Variants in EYS observed in about 807,000 individuals in gnomAD.
EYS encodes EGF-like photoreceptor maintenance factor.
Under a neutral mutation model 282.1 loss-of-function variants are expected in EYS, and 250 were observed. The ratio of observed to expected loss-of-function variants is 0.89; its 90% CI spans 0.80 to 0.98. The LOEUF is 0.98. Among genes scored for constraint, EYS ranks in the 50% least tolerant of loss-of-function variants. The pLI is 0.00. For synonymous variants in EYS, 1,355 were observed against 1,282.9 expected, an observed-to-expected ratio of 1.06 and a Z score of -1.20; for missense variants, 4,016 against 3,709.0, an observed-to-expected ratio of 1.08 and a Z score of -2.15.
intron 22 of EYS, among the ~76,000 whole-genome samples, chr6:64,786,798 C>A (rs1264637195): frequency 2.0e-5 from 3 of 152,162 alleles, no homozygotes; most frequent in Admixed American, 6.5e-5. Flanking sequence ...CTTGGCATAG[C>A]AGACTGTGCC....
At chr6:64,255,947 C>T (rs1767386052) in intron 30 of EYS, among the ~76,000 whole-genome samples, 1 of 151,888 alleles carries the variant, frequency 6.6e-6, no homozygotes, top group African/African-American at 2.4e-5. Flanking sequence ...GTTCATTGGT[C>T]TTCCAAATAA....
chr6:63,797,090 G>T (rs1020085383), intron 37 of EYS: 5 of 152,174 alleles, frequency 3.3e-5, no homozygotes, highest in African/African-American at 1.2e-4. Context: ...ATTTCTGAAA[G>T]AAGGAAACGA....
chr6:64,441,299 C>T (rs902294116), intron 26 of EYS, among the ~76,000 whole-genome samples: 2 of 152,156 alleles, frequency 1.3e-5, no homozygotes, highest in Non-Finnish European at 2.9e-5. Context: ...GGTTACACAA[C>T]TCTGAATGAA....
chr6:64,570,595 G>A (rs935782751), intron 26 of EYS, among the ~76,000 whole-genome samples: 8 of 151,878 alleles, frequency 5.3e-5, no homozygotes, highest in South Asian at 2.1e-4. Flanking sequence ...AATATTTACC[G>A]AGCAAATTGA....
intron 2 of EYS, among the ~76,000 whole-genome samples, chr6:65,621,805 A>C (rs1766506859): frequency 6.6e-6 from 1 of 151,776 alleles, no homozygotes. Context: ...TTTATTTTTA[A>C]ATGTTTCCTT....
At chr6:63,864,066 C>A in intron 36 of EYS, 120 bp downstream of exon 36, 1 of 982,792 alleles carries the variant, frequency 1.0e-6, no homozygotes, top group South Asian at 3.0e-5. Context: ...TTGAAAAGAA[C>A]CCAGAAGAAG....
intron 18 of EYS, among the ~76,000 whole-genome samples, chr6:64,895,595 A>G (rs1353315808): frequency 6.6e-6 from 1 of 152,204 alleles, no homozygotes; most frequent in Non-Finnish European, 1.5e-5. Flanking sequence ...TAGCACATGG[A>G]TGAGTAACTG....
At chr6:64,097,796 G>A (rs76918117) in intron 31 of EYS, among the ~76,000 whole-genome samples, 4,069 of 152,252 alleles carry the variant, frequency 0.027, 70 homozygotes, top group Non-Finnish European at 0.04. Flanking sequence ...GCTAATGGAA[G>A]GAGGAGAATA....
chr6:64,731,050 G>T (rs1001752368), intron 22 of EYS: 4 of 151,996 alleles, frequency 2.6e-5, no homozygotes, highest in East Asian at 1.9e-4. Context: ...ACATGAACAA[G>T]ATAACTATTT....
chr6:65,245,717 C>G (rs903253599), intron 12 of EYS, among the ~76,000 whole-genome samples: 4 of 151,756 alleles, frequency 2.6e-5, no homozygotes, highest in African/African-American at 9.7e-5. Context: ...AATTGAGGTA[C>G]TAGCAGGATG....
intron 13 of EYS, among the ~76,000 whole-genome samples, chr6:65,002,199 T>A (rs1349559859): frequency 2.0e-5 from 3 of 147,552 alleles, no homozygotes; most frequent in Admixed American, 6.8e-5. Context: ...ATGACATGAA[T>A]CTTTTTTAAG....
chr6:64,902,478 T>A lies in EYS; in HGVS notation c.2664A>T (p.Glu888Asp), dbSNP rs1767699435. ...CREEFEGKNC[E>D]IDVKDCLFLS... ...GGAAGAGGCAGTCTTTCACATCAAT[T>A]TCACAGTTTTTACCTTCAAATTCTG... Residue 888 changes from glutamate (E) to aspartate (D), a missense_variant, in exon 17 of 43, where the codon GAA (glutamate) becomes GAT (aspartate). Transcript: ENST00000503581. 6.5e-7 allele frequency: 1 copy of A among 1,535,878 alleles called. No homozygotes were observed. Among genetic ancestry groups the A allele is most frequent in the African/African-American group, 1.4e-5 (1 of 71,908 alleles).
rs1187485375 is a variant in EYS, at chr6:64,230,697, C to T, written c.6319G>A (p.Val2107Ile). The change falls in exon 31 of 43, where the codon GTA becomes ATA. Residue 2107 changes from valine (V) to isoleucine (I), a missense_variant. Val to Ile is a conservative substitution (Grantham distance 29, BLOSUM62 3). Transcript: ENST00000503581. ...VAAPSVCQQD[V>I]CHNGGTCHAI... ...TGGCATGTGCCTCCATTGTGGCATA[C>T]ATCCTGCTGGCACACAGAGGGTGCT... The T allele has an allele frequency of 1.9e-6, 3 of 1,551,602 alleles. No homozygotes were observed. The East Asian group carries it at 7.3e-5, about 38-fold the overall frequency.
intron 36 of EYS, among the ~76,000 whole-genome samples, chr6:63,833,705 A>G (rs1286979094): frequency 6.6e-6 from 1 of 152,164 alleles, no homozygotes; most frequent in East Asian, 1.9e-4. Flanking sequence ...ACTGGAAAAA[A>G]CTACTTTAAA....
At chr6:65,050,285 C>A (rs983182655) in intron 13 of EYS, among the ~76,000 whole-genome samples, 2 of 151,532 alleles carry the variant, frequency 1.3e-5, no homozygotes, top group African/African-American at 4.8e-5. Flanking sequence ...AGGATTTAAT[C>A]ACCAGGAAGA....
At chr6:65,233,735 C>T (rs543365253) in intron 12 of EYS, among the ~76,000 whole-genome samples, 59 of 152,222 alleles carry the variant, frequency 3.9e-4, no homozygotes, top group Non-Finnish European at 5.9e-4. Flanking sequence ...TTTATCTTTA[C>T]GTTTAGCTTC....
At chr6:64,687,770 G>A (rs576454088) in intron 22 of EYS, among the ~76,000 whole-genome samples, 1 of 152,086 alleles carries the variant, frequency 6.6e-6, no homozygotes, top group South Asian at 2.1e-4. Flanking sequence ...TTTTTCTATT[G>A]ATTGGAATAG....
At chr6:65,218,318 G>GA (rs534057047) in intron 12 of EYS, among the ~76,000 whole-genome samples, 37 of 151,938 alleles carry the variant, frequency 2.4e-4, no homozygotes, top group African/African-American at 6.3e-4. Context: ...TCAATTACAG[G>GA]AAAAAAAATT....
chr6:65,508,330 T>C (rs1435401677), intron 2 of EYS, among the ~76,000 whole-genome samples: 1 of 151,988 alleles, frequency 6.6e-6, no homozygotes, highest in Non-Finnish European at 1.5e-5. Flanking sequence ...GATCCTCCAG[T>C]TAAATCTCAG....
Sources: gnomAD v4.1 joint callset for allele counts (sites outside exome capture counted in the v4.1 genomes callset) on GRCh38, gnomAD v4.1.1 for gene constraint, MANE v1.5 for transcripts, NCBI Gene and HGNC (gene_info 2026-07-23, HGNC 2026-07-21) for gene names.